Variants in CDKAL1 observed in about 807,000 individuals in gnomAD.
CDKAL1 encodes threonylcarbamoyladenosine tRNA methylthiotransferase.
CDKAL1 carries 32 observed loss-of-function variants against 68.2 expected under a neutral mutation model. The ratio of observed to expected loss-of-function variants is 0.47; its 90% confidence interval spans 0.35 to 0.63. CDKAL1 has a LOEUF of 0.63. Ranked by LOEUF, CDKAL1 falls within the 30% of genes least tolerant of loss-of-function variation. The probability of loss-of-function intolerance (pLI) is 0.00; values close to 1 mark genes in which losing one functional copy is unlikely to be tolerated. For synonymous variants in CDKAL1, 234 were observed against 244.3 expected (o/e 0.96, Z 0.39); for missense variants, 606 against 696.7 (o/e 0.87, Z 1.47).
chr6:20,760,716 G>A (rs1440771051), intron 7 of CDKAL1, among the ~76,000 whole-genome samples: 1 of 152,192 alleles, frequency 6.6e-6, no homozygotes, highest in African/African-American at 2.4e-5. Context: ...AGTGATTTAA[G>A]ATACTTGAGG....
At chr6:20,579,020 C>T (rs1765029483) in intron 4 of CDKAL1, among the ~76,000 whole-genome samples, 1 of 152,180 alleles carries the variant, frequency 6.6e-6, no homozygotes, top group African/African-American at 2.4e-5. Context: ...CTCTGTTGCC[C>T]AGGCTGGAGT....
At chr6:20,911,039 C>A (rs1456192840) in intron 9 of CDKAL1, among the ~76,000 whole-genome samples, 9 of 152,218 alleles carry the variant, frequency 5.9e-5, no homozygotes, top group Non-Finnish European at 1.3e-4. Flanking sequence ...GTTAAAGCCA[C>A]CCTGTTCGTA....
chr6:20,845,988 C>CT, intron 8 of CDKAL1, 87 bp from the exon 9 acceptor site: 1 of 766,928 alleles, frequency 1.3e-6, no homozygotes, highest in Non-Finnish European at 2.1e-6. Context: ...TGAAAGAGCA[C>CT]TTTTGTGTAT....
chr6:20,810,643 TG>T (rs1776773962), intron 8 of CDKAL1, among the ~76,000 whole-genome samples: 2 of 134,764 alleles, frequency 1.5e-5, no homozygotes, highest in African/African-American at 5.9e-5. Flanking sequence ...TGTGTGTGTG[TG>T]TGTGTGTGTG....
chr6:20,950,674 A>G (rs1389163842), intron 9 of CDKAL1, among the ~76,000 whole-genome samples: 3 of 152,098 alleles, frequency 2.0e-5, no homozygotes, highest in African/African-American at 4.8e-5. Context: ...AGAACAAAAG[A>G]TGGGGAAGGG....
intron 4 of CDKAL1, among the ~76,000 whole-genome samples, chr6:20,598,943 T>G (rs1174426031): frequency 6.6e-6 from 1 of 152,096 alleles, no homozygotes; most frequent in Non-Finnish European, 1.5e-5. Flanking sequence ...TGTTACAATT[T>G]TATTTTAAAT....
chr6:20,648,278 C>T (rs762448029), intron 4 of CDKAL1, among the ~76,000 whole-genome samples: 2 of 151,510 alleles, frequency 1.3e-5, no homozygotes, highest in African/African-American at 2.4e-5. Flanking sequence ...CAGGCATGCC[C>T]GCCACCACAC....
chr6:20,975,909 G>A (rs1765823814), intron 10 of CDKAL1, among the ~76,000 whole-genome samples: 1 of 152,150 alleles, frequency 6.6e-6, no homozygotes, highest in Non-Finnish European at 1.5e-5. Flanking sequence ...TTTTCATTAA[G>A]GTTCACCTTT....
At chr6:20,992,126 CA>C (rs1489563921) in intron 10 of CDKAL1, among the ~76,000 whole-genome samples, 1 of 145,310 alleles carries the variant, frequency 6.9e-6, no homozygotes, top group Non-Finnish European at 1.5e-5. Context: ...CTCTTGGACT[CA>C]AGCAATTCTT....
At chr6:20,701,259 GTTT>G (rs11305935) in intron 5 of CDKAL1, among the ~76,000 whole-genome samples, 26 of 118,574 alleles carry the variant, frequency 2.2e-4, no homozygotes, top group Non-Finnish European at 1.3e-4. Flanking sequence ...ACATGAAGTT[GTTT>G]TTTTTTTTTT....
At chr6:20,869,109 A>C (rs1416843532) in intron 9 of CDKAL1, among the ~76,000 whole-genome samples, 1 of 152,172 alleles carries the variant, frequency 6.6e-6, no homozygotes, top group Non-Finnish European at 1.5e-5. Context: ...ACAGCACTTC[A>C]TCTGTTCAGT....
intron 10 of CDKAL1, among the ~76,000 whole-genome samples, chr6:20,974,300 C>G (rs1412821177): frequency 2.0e-5 from 3 of 152,194 alleles, no homozygotes; most frequent in African/African-American, 4.8e-5. Context: ...TAAATCCAAG[C>G]TTTTGGCTTT....
At chr6:21,211,850 C>T (rs9350332) in intron 15 of CDKAL1, among the ~76,000 whole-genome samples, 21,789 of 152,082 alleles carry the variant, frequency 0.14, 1,637 homozygotes, top group East Asian at 0.22. Context: ...CTCTACTTCC[C>T]GGGCTCAAGT....
At chr6:20,767,856 G>A (rs939381528) in intron 7 of CDKAL1, among the ~76,000 whole-genome samples, 2 of 152,116 alleles carry the variant, frequency 1.3e-5, no homozygotes, top group African/African-American at 4.8e-5. Context: ...GAGATGGAGA[G>A]ACTAAATACC....
chr6:20,883,768 A>G (rs1341022362), intron 9 of CDKAL1, among the ~76,000 whole-genome samples: 1 of 152,180 alleles, frequency 6.6e-6, no homozygotes, highest in Non-Finnish European at 1.5e-5. Context: ...AATTATTTCA[A>G]CTTTTTCTGT....
At chr6:20,992,457 ATGTT>A (rs556282255) in intron 10 of CDKAL1, among the ~76,000 whole-genome samples, 2 of 152,256 alleles carry the variant, frequency 1.3e-5, no homozygotes, top group South Asian at 2.1e-4. Flanking sequence ...TGCCATTAGA[ATGTT>A]TGTGTTAGAG....
rs997216353 is a variant in CDKAL1 at position 21,165,679 on chromosome 6, A to G, written c.1300-32342A>G. Among the ~76,000 whole-genome samples the G allele has an allele frequency of 1.1e-4, 16 of 152,318 alleles. No individual in the cohort carries two copies. In the East Asian group the frequency reaches 3.1e-3, roughly 29 times the overall value. On this transcript the variant is annotated intron_variant, in intron 13 of 15. Coordinates refer to ENST00000274695, the MANE Select transcript of CDKAL1 (RefSeq NM_017774.3). ...AACCAAAGGCATTTCTTTAGCACTG[A>G]CCATGTCATGTGGTAGCTGCTGAGG...
At chr6:20,813,954 C>CA (rs57052093) in intron 8 of CDKAL1, among the ~76,000 whole-genome samples, 22 of 151,714 alleles carry the variant, frequency 1.5e-4, no homozygotes, top group African/African-American at 3.1e-4. Context: ...GCAGTTTTTA[C>CA]AAAAAAATGC....
chr6:20,637,646 A>C lies in CDKAL1; in HGVS notation c.287-11647A>C, dbSNP rs574837355. Among the ~76,000 whole-genome samples, 6 of 152,324 alleles carry C rather than the reference A, an allele frequency of 3.9e-5. No individual in the cohort carries two copies. In the South Asian group the frequency reaches 1.2e-3, roughly 32 times the overall value. On this transcript the variant is annotated intron_variant, in intron 4 of 15. Transcript: ENST00000274695. The stretch of plus-strand genomic sequence containing the variant: ...TTTTTATGATTGCCTTTTACTTTAA[A>C]AATATTTAATTTTTAGAATAGTTTC...
Sources: allele counts gnomAD v4.1 joint callset (sites outside exome capture counted in the v4.1 genomes callset), GRCh38; gene constraint gnomAD v4.1.1; transcripts MANE v1.5; gene names NCBI Gene and HGNC (gene_info 2026-07-23, HGNC 2026-07-21).